The following PIEZO2 variants were observed in gnomAD, a reference collection of about 807,000 sequenced individuals.
PIEZO2 encodes piezo-type mechanosensitive ion channel component 2.
A neutral mutation model predicts 337.3 loss-of-function variants in PIEZO2; 172 were observed. The ratio of observed to expected loss-of-function variants is 0.51; its 90% CI spans 0.45 to 0.58. PIEZO2 has a LOEUF of 0.58. Ranked by LOEUF, PIEZO2 falls within the 20% of genes least tolerant of loss-of-function variation. PIEZO2 has a pLI of 0.00. For synonymous variants in PIEZO2, 1,251 were observed against 1,228.5 expected, an observed-to-expected ratio of 1.02 and a Z score of -0.38; for missense variants, 3,028 against 3,391.3, an observed-to-expected ratio of 0.89 and a Z score of 2.66.
Position 10,871,282 on chromosome 18 carries a change from T to G in PIEZO2, c.463A>C (p.Ser155Arg), listed in dbSNP as rs1001558334. 1 of 1,537,098 alleles carries G rather than the reference T, an allele frequency of 6.5e-7. No individual in the cohort carries two copies. The change falls in exon 5 of 56, where the codon AGT (serine) becomes CGT (arginine). Residue 155 changes from serine to arginine, a missense_variant. This residue lies in a region of PIEZO2 where 542 missense variants were observed against 605.6 expected (regional missense o/e 0.89). Coordinates refer to ENST00000674853, the MANE Select transcript of PIEZO2 (RefSeq NM_001378183.1). ...QKPVTDEAAQ[S>R]NPEFENEELA... The stretch of plus-strand genomic sequence containing the variant: ...TCTTCATTTTCAAACTCCGGGTTAC[T>G]CTGTGCTGCTTCGTCTGTCACAGGT...
At chr18:10,842,012 TG>T (rs2041210309) in intron 7 of PIEZO2, among the ~76,000 whole-genome samples, 2 of 152,036 alleles carry the variant, frequency 1.3e-5, no homozygotes, top group African/African-American at 4.8e-5. Context: ...AAAAATTAGC[TG>T]GGCATGGCGG....
intron 36 of PIEZO2, among the ~76,000 whole-genome samples, chr18:10,731,024 C>T (rs1464579821): frequency 6.6e-6 from 1 of 151,958 alleles, no homozygotes; most frequent in Non-Finnish European, 1.5e-5. Flanking sequence ...CCGCGCCTGG[C>T]CTTAGCTTTT....
chr18:10,725,926 C>G (rs1422615412), intron 36 of PIEZO2, among the ~76,000 whole-genome samples: 2 of 152,332 alleles, frequency 1.3e-5, no homozygotes, highest in Admixed American at 6.5e-5. Context: ...GCACTAACCA[C>G]TATTTCTATC....
At chr18:11,020,708 T>C (rs893831805) in intron 2 of PIEZO2, among the ~76,000 whole-genome samples, 2 of 152,128 alleles carry the variant, frequency 1.3e-5, no homozygotes, top group African/African-American at 2.4e-5. Flanking sequence ...AATGACACCT[T>C]CTATTTCACA....
chr18:10,739,913 A>G (rs1189778966), intron 33 of PIEZO2: 1 of 152,246 alleles, frequency 6.6e-6, no homozygotes, highest in Admixed American at 6.5e-5. Flanking sequence ...AGAGAGGCCA[A>G]CGTCAGATCT....
chr18:11,006,918 T>G lies in PIEZO2; in HGVS notation c.161-27258A>C, dbSNP rs375201890. Among the ~76,000 whole-genome samples the G allele has an allele frequency of 1.1e-3, 170 of 152,310 alleles. 2 individuals are homozygous for G. The highest frequency in any genetic ancestry group is 3.7e-3 in the African/African-American group (155 of 41,570). On this transcript the variant is annotated intron_variant, in intron 2 of 55. Transcript: ENST00000674853. ...ATCATGGGTACATAATAGTTTGACATTTTTATCAAGCACGTGATATTTTGA... is the reference window on the plus strand; with the variant it reads ...ATCATGGGTACATAATAGTTTGACAGTTTTATCAAGCACGTGATATTTTGA...
rs768406641 is a variant in PIEZO2 at position 11,035,533 on chromosome 18, A to G, written c.160+30594T>C. ...CAGATATTCCTTTAGAGCAATGCAAAATGGGCTAACACAACTCCTCTTGCC... is the reference window on the plus strand; with the variant it reads ...CAGATATTCCTTTAGAGCAATGCAAGATGGGCTAACACAACTCCTCTTGCC... On this transcript the variant is annotated intron_variant, in intron 2 of 55. Transcript: ENST00000674853. This position sits in a 1 kb window ranked among gnomAD's most constrained non-coding sequence, Gnocchi z 4.3. Among the ~76,000 whole-genome samples, 1 of 152,140 alleles carries G rather than the reference A, an allele frequency of 6.6e-6. No homozygotes were observed.
Position 10,794,880 on chromosome 18 carries a change from A to G in PIEZO2, c.1650T>C (p.Tyr550=), listed in dbSNP as rs1168928888. 1 of 1,538,226 alleles carries G rather than the reference A, an allele frequency of 6.5e-7. No individual in the cohort carries two copies. The highest frequency in any genetic ancestry group is 8.7e-7 in the Non-Finnish European group (1 of 1,146,808). The part of the protein sequence containing the change: ...AMISSPFMVV[Y]GNLLLILQYI... ...ACTGTAATATCAACAATAGGTTTCC[A>G]TAAACCACCATGAAGGGAGAGCTGA... The change falls in exon 13 of 56, where the codon TAT becomes TAC. Residue 550 remains tyrosine, a synonymous_variant. Transcript: ENST00000674853. This position sits in a 1 kb window ranked among gnomAD's most constrained non-coding sequence, Gnocchi z 6.6.
rs546138697 is a variant in PIEZO2 at position 10,745,315 on chromosome 18, A to G, written c.4425-1084T>C. Among the ~76,000 whole-genome samples the G allele has an allele frequency of 7.9e-5, 12 of 152,254 alleles. No homozygotes were observed. The South Asian group carries it at 2.5e-3, about 32-fold the overall frequency. Reference sequence around the variant, plus strand: ...TTTCCATCAGTACCGAATTCTGTCCATTAACATGCAAATATGCTCAAGTCT... The same window carrying G: ...TTTCCATCAGTACCGAATTCTGTCCGTTAACATGCAAATATGCTCAAGTCT... On this transcript the variant is annotated intron_variant, in intron 30 of 55. Coordinates refer to ENST00000674853, the MANE Select transcript of PIEZO2 (RefSeq NM_001378183.1).
intron 1 of PIEZO2, among the ~76,000 whole-genome samples, chr18:11,137,977 G>T (rs2040538952): frequency 1.3e-5 from 2 of 152,022 alleles, no homozygotes; most frequent in African/African-American, 2.4e-5. Context: ...GCAAGTAAAA[G>T]GTGTTAATTG....
intron 1 of PIEZO2, among the ~76,000 whole-genome samples, chr18:11,079,897 T>C (rs1346846297): frequency 6.6e-6 from 1 of 152,242 alleles, no homozygotes; most frequent in Non-Finnish European, 1.5e-5. Context: ...ACTGTTGCAG[T>C]GTGCCTGGGC....
chr18:10,862,892 C>G lies in PIEZO2; in HGVS notation c.493-5681G>C, dbSNP rs2041913178. Among the ~76,000 whole-genome samples, 2 of 152,130 alleles carry G rather than the reference C, an allele frequency of 1.3e-5. No individual in the cohort carries two copies. The highest frequency in any genetic ancestry group is 1.3e-4 in the Admixed American group (2 of 15,272). ...TTTTTAATCATATCCTAGCAGACTC[C>G]CTTATTTGGAAAATAGATTGAAATA... On this transcript the variant is annotated intron_variant, in intron 5 of 55. Coordinates refer to ENST00000674853, the MANE Select transcript of PIEZO2 (RefSeq NM_001378183.1). The surrounding 1 kb of genome is among the most constrained non-coding windows in gnomAD (Gnocchi z 4.4).
chr18:10,815,914 A>T lies in PIEZO2; in HGVS notation c.918-8640T>A, dbSNP rs532515542. Among the ~76,000 whole-genome samples the T allele has an allele frequency of 9.9e-5, 15 of 152,198 alleles. No homozygotes were observed. The highest frequency in any genetic ancestry group is 1.8e-4 in the Non-Finnish European group (12 of 68,030). ...TACAGTTCAGTTATTCGCTCCTTAC[A>T]GGTCCACAAAATTGCACCCAGCACA... On this transcript the variant is annotated intron_variant, in intron 7 of 55. Transcript: ENST00000674853. The surrounding 1 kb of genome is among the most constrained non-coding windows in gnomAD (Gnocchi z 4.1).
chr18:11,119,303 C>T (rs917513375), intron 1 of PIEZO2, among the ~76,000 whole-genome samples: 1 of 152,068 alleles, frequency 6.6e-6, no homozygotes, highest in African/African-American at 2.4e-5. Flanking sequence ...CCATGCCCAG[C>T]TAATTTTTGT....
chr18:10,738,365 C>T (rs2037091372), intron 33 of PIEZO2: 1 of 152,138 alleles, frequency 6.6e-6, no homozygotes, highest in South Asian at 2.1e-4. Context: ...CCTTCGATAA[C>T]TTTTATTCAT....
Position 11,148,550 on chromosome 18 carries a change from C to A in PIEZO2, c.39G>T (p.Leu13=), listed in dbSNP as rs775647000. Residue 13 remains leucine (L), a synonymous_variant, in exon 1 of 56, where the codon CTG becomes CTT. Transcript: ENST00000674853. The surrounding 1 kb of genome is among the most constrained non-coding windows in gnomAD (Gnocchi z 5.2). ...SEVVCGLIFR[L]LLPICLAVAC... is the part of the protein sequence containing the mutation. ...CTACTGCCAGGCAGATGGGCAGCAG[C>A]AGCCTGAAGATGAGCCCGCACACCA... is the stretch of plus-strand genomic sequence containing the variant. The A allele has an allele frequency of 7.2e-6, 11 of 1,537,226 alleles. No individual in the cohort carries two copies. The highest frequency in any genetic ancestry group is 9.6e-6 in the Non-Finnish European group (11 of 1,146,902).
In PIEZO2 at chr18:10,672,929, A is replaced by G. The variant is rs1178529056; in HGVS notation, c.8162-56T>C. On this transcript the variant is annotated intron_variant, in intron 54 of 55. Transcript: ENST00000674853. The surrounding 1 kb of genome is among the most constrained non-coding windows in gnomAD (Gnocchi z 4.7). ...ACATGAGAATTTTAGGATTTCATGC[A>G]CAGCAACAGTTTTCAGATGGCAAAA... 8.4e-6 allele frequency: 12 copies of G among 1,435,896 alleles called. No homozygotes were observed. Among genetic ancestry groups the G allele is most frequent in the Non-Finnish European group, 1.2e-5 (12 of 1,043,448 alleles). 88.9% of individuals were successfully genotyped at this position (1,435,896 alleles called of 1,614,324 possible).
intron 2 of PIEZO2, among the ~76,000 whole-genome samples, chr18:11,051,390 T>TGTGG (rs1350526342): frequency 1.3e-5 from 2 of 151,604 alleles, no homozygotes; most frequent in Non-Finnish European, 2.9e-5. Context: ...TGGGTGTGGG[T>TGTGG]GTAACATAAA....
chr18:10,696,686 C>T (rs913324476), intron 45 of PIEZO2, 147 bp from the exon 46 acceptor site: 7 of 894,668 alleles, frequency 7.8e-6, no homozygotes, highest in South Asian at 3.4e-5. Context: ...AGGATAGTCC[C>T]GCTGTGGACA....
Sources: allele counts gnomAD v4.1 joint callset (sites outside exome capture counted in the v4.1 genomes callset), GRCh38; gene constraint gnomAD v4.1.1; regional missense constraint gnomAD v4.1.1; non-coding constraint Gnocchi (gnomAD v3.1); transcripts MANE v1.5; gene names NCBI Gene and HGNC (gene_info 2026-07-23, HGNC 2026-07-21).